DNAI2: variants seen among roughly 807,000 people sequenced by gnomAD.
DNAI2 encodes the protein dynein axonemal intermediate chain 2.
DNAI2 carries 63 observed loss-of-function variants against 74.7 expected under a neutral mutation model. The ratio of observed to expected loss-of-function variants is 0.84; its 90% CI spans 0.69 to 1.04. The LOEUF (loss-of-function observed/expected upper bound fraction) is 1.04, where lower values mean the gene tolerates loss of function less well. Ranked by LOEUF, DNAI2 falls within the 50% of genes least tolerant of loss-of-function variation. DNAI2 has a pLI of 0.00. For missense variants in DNAI2, 688 were observed against 803.2 expected (o/e 0.86, Z 1.73); for synonymous variants, 289 against 314.9 (o/e 0.92, Z 0.87).
intron 12 of DNAI2, 34 bp downstream of exon 12, chr17:74,312,264 G>C (rs4239008): frequency 7.9e-6 from 4 of 506,560 alleles, no homozygotes; most frequent in African/African-American, 4.0e-5. Context: ...GTGGGTTGGG[G>C]ACTGGGCGGG....
At chr17:74,297,685 A>G (rs1242121861) in intron 6 of DNAI2, among the ~76,000 whole-genome samples, 1 of 150,014 alleles carries the variant, frequency 6.7e-6, no homozygotes, top group Non-Finnish European at 1.5e-5. Flanking sequence ...CCCAGCCCAA[A>G]CTGCTTTTTT....
chr17:74,281,144 G>C (rs2051367853), intron 1 of DNAI2, among the ~76,000 whole-genome samples: 1 of 151,622 alleles, frequency 6.6e-6, no homozygotes, highest in Non-Finnish European at 1.5e-5. Context: ...ATCATTTGGT[G>C]GGTAAGAGCT....
chr17:74,301,756 C>G (rs1033581333), intron 8 of DNAI2, among the ~76,000 whole-genome samples: 1 of 145,434 alleles, frequency 6.9e-6, no homozygotes, highest in Admixed American at 6.9e-5. Context: ...TTAAGACCAG[C>G]CTGGGTACAT....
chr17:74,310,175 G>A lies in DNAI2; in HGVS notation c.1494+12G>A. The A allele has an allele frequency of 1.2e-6, 2 of 1,612,936 alleles. No homozygotes were observed. Among genetic ancestry groups the A allele is most frequent in the East Asian group, 2.2e-5 (1 of 44,878 alleles). On this transcript the variant is annotated intron_variant, in intron 11 of 13. Transcript: ENST00000311014. ...ACGTAGCCTCTTCCGTAAGCACCGGGTGCCTGGGGAAAATCCCTCCAGCAC... is the reference window on the plus strand; with the variant it reads ...ACGTAGCCTCTTCCGTAAGCACCGGATGCCTGGGGAAAATCCCTCCAGCAC...
chr17:74,304,630 G>A (rs923544449), intron 8 of DNAI2, among the ~76,000 whole-genome samples: 5 of 152,196 alleles, frequency 3.3e-5, no homozygotes, highest in Admixed American at 6.5e-5. Flanking sequence ...GTTCGTGGGC[G>A]ATGGACCCAT....
intron 9 of DNAI2, 34 bp from the exon 10 acceptor site, chr17:74,309,219 T>A (rs1215840356): frequency 6.2e-7 from 1 of 1,613,272 alleles, no homozygotes; most frequent in Non-Finnish European, 8.5e-7. Context: ...GAAGCCTCTG[T>A]CCCTCCAACC....
At chr17:74,305,813 A>G (rs963356312) in intron 9 of DNAI2, among the ~76,000 whole-genome samples, 1 of 151,548 alleles carries the variant, frequency 6.6e-6, no homozygotes. Context: ...CTGGGACTAC[A>G]AGCACCTGCC....
chr17:74,308,712 G>A (rs1310387306), intron 9 of DNAI2, among the ~76,000 whole-genome samples: 1 of 151,940 alleles, frequency 6.6e-6, no homozygotes, highest in Non-Finnish European at 1.5e-5. Flanking sequence ...TGTAGAAACA[G>A]GGTCTTTCCA....
chr17:74,298,812 C>CG (rs2052593929), intron 6 of DNAI2, among the ~76,000 whole-genome samples: 1 of 152,096 alleles, frequency 6.6e-6, no homozygotes, highest in Non-Finnish European at 1.5e-5. Flanking sequence ...TTTGTAGAGA[C>CG]GGGGTCTCAC....
At chr17:74,279,274 C>T (rs148100166) in intron 1 of DNAI2, among the ~76,000 whole-genome samples, 5 of 152,068 alleles carry the variant, frequency 3.3e-5, no homozygotes, top group African/African-American at 1.2e-4. Flanking sequence ...GATAGCACAA[C>T]AGGGTGACTA....
rs1256500460 is a variant in DNAI2, at chr17:74,310,095, A to G, written c.1426A>G (p.Thr476Ala). 1 of 1,613,840 alleles carries G rather than the reference A, an allele frequency of 6.2e-7. No homozygotes were observed. The highest frequency in any genetic ancestry group is 1.1e-5 in the South Asian group (1 of 91,084). Residue 476 changes from threonine to alanine, a missense_variant, in exon 11 of 14, where the codon ACC becomes GCC. Transcript: ENST00000311014. ...LIACGSQLGT[T>A]TLLEVSPGLS... ...CGCCTGCGGCTCCCAGCTGGGGACA[A>G]CCACCCTGCTGGAGGTCTCGCCTGG...
intron 1 of DNAI2, among the ~76,000 whole-genome samples, chr17:74,280,512 T>C (rs2051331526): frequency 6.6e-6 from 1 of 152,192 alleles, no homozygotes; most frequent in Non-Finnish European, 1.5e-5. Context: ...TGGCTTTCTC[T>C]CTGTCTGGGA....
chr17:74,312,507 C>T (rs1353583217), intron 12 of DNAI2, among the ~76,000 whole-genome samples: 4 of 152,066 alleles, frequency 2.6e-5, no homozygotes, highest in South Asian at 2.1e-4. Context: ...GGTGAAAATG[C>T]GTGTTGAGTG....
intron 5 of DNAI2, 139 bp downstream of exon 5, chr17:74,289,875 G>GAAGAGTGTGTTCCTCCTC: frequency 1.0e-6 from 1 of 1,003,068 alleles, no homozygotes; most frequent in Non-Finnish European, 1.5e-6. Context: ...CAGTCGAGGA[G>GAAGAGTGTGTTCCTCCTC]GAACACACTC....
In DNAI2 at chr17:74,281,566, T is replaced by G. The variant is rs142051197; in HGVS notation, c.-11-241T>G. 471 of 588,320 alleles carry G rather than the reference T, an allele frequency of 8.0e-4. 1 individual carries two copies. The highest frequency in any genetic ancestry group is 7.7e-3 in the African/African-American group (414 of 53,828). The allele number at this position is 588,320 out of a possible 1,614,324, so 36.4% of individuals were successfully genotyped here. On this transcript the variant is annotated intron_variant, in intron 1 of 13. Transcript: ENST00000311014. ...AGCTACCGCGCCTGGCCAAAATTTT[T>G]ATTGCCCTCCTCAGAGAGCAACTGC... is the stretch of plus-strand genomic sequence containing the variant.
At chr17:74,303,772 A>G (rs2053000673) in intron 8 of DNAI2, among the ~76,000 whole-genome samples, 1 of 151,828 alleles carries the variant, frequency 6.6e-6, no homozygotes, top group Non-Finnish European at 1.5e-5. Flanking sequence ...CATTTTAGTA[A>G]TTTTCTGGTA....
Position 74,291,170 on chromosome 17 carries a change from A to AT in DNAI2, c.724+45dup, listed in dbSNP as rs552956633. 1,351 of 1,512,748 alleles carry AT rather than the reference A, an allele frequency of 8.9e-4. 1 individual carries two copies. Among genetic ancestry groups the AT allele is most frequent in the Non-Finnish European group, 1.1e-3 (1,235 of 1,097,364 alleles). The allele number at this position is 1,512,748 out of a possible 1,614,324, so 93.7% of individuals were successfully genotyped here. On this transcript the variant is annotated intron_variant, in intron 6 of 13. Transcript: ENST00000311014. ...CCTAGGCTTTTTTATTTTTATTTTTATTTTTTTTAGATGGAATTTTGCTCT... is the reference window on the plus strand; with the variant it reads ...CCTAGGCTTTTTTATTTTTATTTTTATTTTTTTTTAGATGGAATTTTGCTCT...
intron 6 of DNAI2, among the ~76,000 whole-genome samples, chr17:74,293,405 G>A (rs2052245189): frequency 1.3e-5 from 2 of 152,046 alleles, no homozygotes; most frequent in Non-Finnish European, 2.9e-5. Flanking sequence ...AGTATATGAT[G>A]TCTTCATTTG....
At chr17:74,276,858 C>A (rs545316247) in intron 1 of DNAI2, among the ~76,000 whole-genome samples, 1 of 152,338 alleles carries the variant, frequency 6.6e-6, no homozygotes, top group Admixed American at 6.5e-5. Context: ...CAGAGACAGG[C>A]AGCCCTAATT....
Sources: gnomAD v4.1 joint callset for allele counts (sites outside exome capture counted in the v4.1 genomes callset) on GRCh38, gnomAD v4.1.1 for gene constraint, MANE v1.5 for transcripts, NCBI Gene and HGNC (gene_info 2026-07-23, HGNC 2026-07-21) for gene names.